GRK3: variants seen among roughly 807,000 people sequenced by gnomAD.
The protein encoded by GRK3 is G protein-coupled receptor kinase 3.
Under a neutral mutation model 95.7 loss-of-function variants are expected in GRK3, and 54 were observed. That is an observed-to-expected ratio of 0.56 (90% CI 0.45 to 0.71). The LOEUF (loss-of-function observed/expected upper bound fraction) is 0.71, where lower values mean the gene tolerates loss of function less well. Among genes scored for constraint, GRK3 ranks in the 30% least tolerant of loss-of-function variants. The pLI is 0.00. For synonymous variants in GRK3, 281 were observed against 290.8 expected (o/e 0.97, Z 0.34); for missense variants, 649 against 851.2 (o/e 0.76, Z 2.96).
intron 15 of GRK3, 111 bp from the exon 16 acceptor site, chr22:25,709,787 A>C: frequency 1.3e-6 from 1 of 745,278 alleles, no homozygotes; most frequent in Non-Finnish European, 2.3e-6. Context: ...TTCTTAAAGG[A>C]AAAAGTGGAA....
chr22:25,703,689 A>C, intron 14 of GRK3, 113 bp downstream of exon 14: 3 of 747,906 alleles, frequency 4.0e-6, no homozygotes, highest in Non-Finnish European at 6.2e-6. Flanking sequence ...AAAATTATGT[A>C]TAGACATAAT....
chr22:25,585,268 C>T (rs1339208049), intron 1 of GRK3, among the ~76,000 whole-genome samples: 14 of 152,264 alleles, frequency 9.2e-5, no homozygotes, highest in African/African-American at 1.7e-4. Flanking sequence ...ATTCCATTGG[C>T]GTGTGCTAGG....
chr22:25,661,627 C>G lies in GRK3; in HGVS notation c.316C>G (p.Arg106Gly), dbSNP rs775857408. The G allele has an allele frequency of 3.7e-6, 6 of 1,613,204 alleles. No homozygotes were observed. In the African/African-American group the frequency reaches 8.0e-5, roughly 22 times the overall value. The change falls in exon 4 of 21, where the codon CGA (arginine) becomes GGA (glycine). Residue 106 changes from arginine to glycine, a missense_variant. This residue lies in a region of GRK3 where 206 missense variants were observed against 231.4 expected (regional missense o/e 0.89). Coordinates refer to ENST00000324198, the MANE Select transcript of GRK3 (RefSeq NM_005160.4). Reference protein sequence around the residue: ...DNEEDRLCRSRQIYDAYIMKE... With the variant: ...DNEEDRLCRSGQIYDAYIMKE... Reference sequence around the variant, plus strand: ...TGAGGAAGACCGCCTTTGCAGAAGTCGACAAATTTATGATGCCTACATCAT... The same window carrying G: ...TGAGGAAGACCGCCTTTGCAGAAGTGGACAAATTTATGATGCCTACATCAT...
At chr22:25,603,290 G>A (rs2084421811) in intron 1 of GRK3, among the ~76,000 whole-genome samples, 2 of 151,894 alleles carry the variant, frequency 1.3e-5, no homozygotes, top group Non-Finnish European at 2.9e-5. Context: ...AAAAAAAAAA[G>A]TAATGCTAAA....
In GRK3 at chr22:25,728,133, C is replaced by T. The variant is rs1008406566; in HGVS notation, c.*5683C>T. On this transcript the variant is annotated 3_prime_UTR_variant, in exon 21 of 21. Transcript: ENST00000324198. ...GTTATTTAAAGAAATGGCAGTCCTT[C>T]CTGTTCTTAATACAATAAAATTGAA... The T allele has an allele frequency of 5.3e-5, 8 of 152,210 alleles. No individual in the cohort carries two copies. Among genetic ancestry groups the T allele is most frequent in the African/African-American group, 1.7e-4 (7 of 41,452 alleles). 9.4% of individuals were successfully genotyped at this position (152,210 alleles called of 1,614,324 possible).
intron 8 of GRK3, among the ~76,000 whole-genome samples, chr22:25,675,849 C>T (rs1443308597): frequency 2.0e-5 from 3 of 152,164 alleles, no homozygotes; most frequent in Admixed American, 6.5e-5. Context: ...CTGGGCAGGG[C>T]GAGCCTGATG....
chr22:25,639,432 T>G (rs1008363074), intron 2 of GRK3, among the ~76,000 whole-genome samples: 9 of 152,182 alleles, frequency 5.9e-5, no homozygotes, highest in African/African-American at 2.2e-4. Context: ...CATCATTTGT[T>G]GAAAAGACTT....
At chr22:25,703,898 T>C (rs1238812775) in intron 14 of GRK3, among the ~76,000 whole-genome samples, 2 of 152,234 alleles carry the variant, frequency 1.3e-5, no homozygotes, top group African/African-American at 2.4e-5. Flanking sequence ...CGAATGAGAA[T>C]GCCTTCCGGT....
chr22:25,612,058 C>T (rs1333522747), intron 2 of GRK3, among the ~76,000 whole-genome samples: 3 of 152,112 alleles, frequency 2.0e-5, no homozygotes, highest in African/African-American at 4.8e-5. Flanking sequence ...GTCACGATCT[C>T]TTGAGCTCAG....
At chr22:25,589,813 G>C (rs577678851) in intron 1 of GRK3, among the ~76,000 whole-genome samples, 7 of 152,314 alleles carry the variant, frequency 4.6e-5, no homozygotes, top group Non-Finnish European at 7.4e-5. Flanking sequence ...GTTCCACATG[G>C]CTGGGGAGGC....
At chr22:25,627,005 G>A (rs2084632793) in intron 2 of GRK3, among the ~76,000 whole-genome samples, 1 of 152,164 alleles carries the variant, frequency 6.6e-6, no homozygotes, top group African/African-American at 2.4e-5. Context: ...GTAAGGTTAG[G>A]GACAGGGAAG....
intron 13 of GRK3, among the ~76,000 whole-genome samples, chr22:25,701,269 G>A (rs1233414430): frequency 6.6e-6 from 1 of 152,198 alleles, no homozygotes; most frequent in Non-Finnish European, 1.5e-5. Flanking sequence ...CACACCACGT[G>A]CCTCACTCAG....
At position 25,714,426 on chromosome 22, in the gene GRK3, G is replaced by T; in HGVS notation, c.1510G>T (p.Glu504Ter). Residue 504 changes from glutamate to a stop codon, truncating the protein, a stop_gained, in exon 18 of 21, where the codon GAA (glutamate) becomes TAA (stop). Coordinates refer to ENST00000324198, the MANE Select transcript of GRK3 (RefSeq NM_005160.4). LOFTEE classifies it high-confidence loss of function. ...TAATCAGCTACTTGATTGCGACCAA[G>T]AACTCTACAAGAACTTCCCTTTGGT... Reference protein sequence around the residue: ...KGIKLLDCDQELYKNFPLVIS... With the variant: ...KGIKLLDCDQ 6.2e-7 allele frequency: 1 copy of T among 1,607,352 alleles called. No homozygotes were observed. Among genetic ancestry groups the T allele is most frequent in the Non-Finnish European group, 8.5e-7 (1 of 1,178,328 alleles).
chr22:25,620,927 AT>A (rs2084580604), intron 2 of GRK3, among the ~76,000 whole-genome samples: 1 of 152,226 alleles, frequency 6.6e-6, no homozygotes, highest in Non-Finnish European at 1.5e-5. Context: ...GAAGACTGGA[AT>A]TTATTAAAGA....
intron 7 of GRK3, 114 bp downstream of exon 7, chr22:25,672,461 A>G: frequency 3.1e-6 from 2 of 648,348 alleles, no homozygotes; most frequent in South Asian, 3.6e-5. Flanking sequence ...CTGCCCAAAC[A>G]GATGTCTGTC....
intron 6 of GRK3, among the ~76,000 whole-genome samples, chr22:25,668,692 G>C (rs545441940): frequency 2.6e-5 from 4 of 152,312 alleles, no homozygotes; most frequent in African/African-American, 9.6e-5. Flanking sequence ...GGGAGAGGGT[G>C]GGCTGCTGGC....
intron 2 of GRK3, among the ~76,000 whole-genome samples, chr22:25,616,404 GAGAA>G (rs1676388695): frequency 6.6e-6 from 1 of 151,752 alleles, no homozygotes; most frequent in African/African-American, 2.4e-5. Flanking sequence ...GAGAGAGAGA[GAGAA>G]AGAGAGAGAG....
intron 3 of GRK3, among the ~76,000 whole-genome samples, chr22:25,658,481 C>A (rs992326328): frequency 6.6e-5 from 10 of 152,162 alleles, no homozygotes; most frequent in African/African-American, 2.4e-4. Flanking sequence ...TGGGGCCCAC[C>A]AGGGATTTTG....
chr22:25,605,855 T>C (rs535916098), intron 2 of GRK3, among the ~76,000 whole-genome samples: 34 of 152,354 alleles, frequency 2.2e-4, no homozygotes, highest in African/African-American at 7.7e-4. Flanking sequence ...CTGGGCTTCT[T>C]CAGCATAAGG....
Sources: allele counts gnomAD v4.1 joint callset (sites outside exome capture counted in the v4.1 genomes callset), GRCh38; gene constraint gnomAD v4.1.1; regional missense constraint gnomAD v4.1.1; transcripts MANE v1.5; gene names NCBI Gene and HGNC (gene_info 2026-07-23, HGNC 2026-07-21).